Variants in SAA2 observed in about 807,000 individuals in gnomAD.
SAA2 encodes the protein serum amyloid A2, also known as serum amyloid A-2 protein.
Under a neutral mutation model 9.1 loss-of-function variants are expected in SAA2, and 5 were observed. The ratio of observed to expected loss-of-function variants is 0.55; its 90% CI spans 0.29 to 1.16. The LOEUF is 1.16. SAA2 is among the 50% of genes most tolerant of loss of function. The pLI is 0.09. For synonymous variants in SAA2, 49 were observed against 59.8 expected, an observed-to-expected ratio of 0.82 and a Z score of 0.83; for missense variants, 94 against 153.8, an observed-to-expected ratio of 0.61 and a Z score of 2.06.
At chr11:18,239,371 T>C (rs1857279314) in exon 4 of SAA2, 1 of 218,626 alleles carries the variant, frequency 4.6e-6, no homozygotes, top group African/African-American at 2.3e-5. Context: ...TACTTTTTTT[T>C]CAGAAGTAGT....
chr11:18,240,119 G>T, intron 3 of SAA2: 1 of 1,125,432 alleles, frequency 8.9e-7, no homozygotes, highest in South Asian at 1.5e-5. Flanking sequence ...GATGGGGAAT[G>T]TACACAAATT....
At chr11:18,246,948 G>A (rs1857574177) in intron 2 of SAA2, among the ~76,000 whole-genome samples, 1 of 152,114 alleles carries the variant, frequency 6.6e-6, no homozygotes, top group Admixed American at 6.5e-5. Context: ...GCCAAGGTGT[G>A]TCTGAGATTC....
chr11:18,239,837 T>C, exon 4 of SAA2: 4 of 1,402,528 alleles, frequency 2.9e-6, no homozygotes, highest in Non-Finnish European at 3.8e-6. Flanking sequence ...TTAGCACAGG[T>C]TCCAAAGGCC....
chr11:18,239,944 C>T, exon 4 of SAA2: 1 of 1,550,732 alleles, frequency 6.4e-7, no homozygotes, highest in Admixed American at 2.0e-5. Context: ...TCTTCCTTCA[C>T]TCTCTACAGT....
At chr11:18,240,762 A>C (rs1857323818), downstream of SAA2, among the ~76,000 whole-genome samples, 1 of 152,212 alleles carries the variant, frequency 6.6e-6, no homozygotes, top group South Asian at 2.1e-4. Context: ...CTGAAACAAA[A>C]AATTCTAAAA....
At chr11:18,242,920 G>A (rs1157991338), downstream of SAA2, 1 of 659,484 alleles carries the variant, frequency 1.5e-6, no homozygotes, top group African/African-American at 1.8e-5. Flanking sequence ...TTTTCTAACA[G>A]AGAGAAGCAT....
At chr11:18,245,777 G>A in intron 3 of SAA2, 133 bp downstream of exon 3, 4 of 1,448,860 alleles carry the variant, frequency 2.8e-6, no homozygotes, top group Non-Finnish European at 3.7e-6. Context: ...ACTGAGCACA[G>A]AGGCAGAGAG....
intron 2 of SAA2, among the ~76,000 whole-genome samples, chr11:18,246,347 A>C (rs1204468579): frequency 6.6e-6 from 1 of 152,170 alleles, no homozygotes; most frequent in Non-Finnish European, 1.5e-5. Context: ...GCAGACACAG[A>C]GTACTTCTGC....
downstream of SAA2, among the ~76,000 whole-genome samples, chr11:18,243,187 C>G (rs766414579): frequency 6.6e-6 from 1 of 151,918 alleles, no homozygotes; most frequent in Non-Finnish European, 1.5e-5. Context: ...TGGTCCTTTA[C>G]AGACGGATGA....
downstream of SAA2, chr11:18,245,238 A>C: frequency 6.8e-7 from 1 of 1,472,836 alleles, no homozygotes. Flanking sequence ...TGTTTCAACA[A>C]ATTCCACCTC....
At chr11:18,239,394 T>C in exon 4 of SAA2, 1 of 266,104 alleles carries the variant, frequency 3.8e-6, no homozygotes, top group East Asian at 6.4e-5. Context: ...GAGTTCATTT[T>C]CTATTATTTC....
At chr11:18,239,912 G>A (rs1241366701) in exon 4 of SAA2, 1 of 1,547,692 alleles carries the variant, frequency 6.5e-7, no homozygotes. Flanking sequence ...CCTGGGTCAT[G>A]TAGGAGTGAA....
At chr11:18,238,285 T>C (rs556539876), downstream of SAA2, among the ~76,000 whole-genome samples, 2 of 152,318 alleles carry the variant, frequency 1.3e-5, no homozygotes, top group South Asian at 2.1e-4. Flanking sequence ...AGAAACTTTT[T>C]ATATACAGGG....
exon 4 of SAA2, chr11:18,239,566 A>G (rs1397896743): frequency 7.5e-6 from 3 of 399,818 alleles, no homozygotes; most frequent in Non-Finnish European, 1.3e-5. Flanking sequence ...GAGATAGTCA[A>G]TGACTCCATG....
downstream of SAA2, chr11:18,242,540 G>T: frequency 2.1e-6 from 1 of 480,936 alleles, no homozygotes; most frequent in Admixed American, 3.8e-5. Flanking sequence ...GCCTCAAACC[G>T]ACACAAAAAT....
downstream of SAA2, chr11:18,239,188 C>A (rs1857274773): frequency 6.6e-6 from 1 of 152,242 alleles, no homozygotes; most frequent in African/African-American, 2.4e-5. Flanking sequence ...GTTGAATAGT[C>A]CGTCTTTTAC....
chr11:18,238,813 C>G (rs983066054), downstream of SAA2, among the ~76,000 whole-genome samples: 1 of 151,868 alleles, frequency 6.6e-6, no homozygotes. Context: ...CACTCCCCCC[C>G]TCCCCACTAC....
intron 3 of SAA2, 108 bp from the exon 4 acceptor site, chr11:18,245,623 G>A: frequency 1.4e-6 from 2 of 1,463,644 alleles, no homozygotes; most frequent in Non-Finnish European, 1.9e-6. Flanking sequence ...AGCCCAGAAA[G>A]GCCAAGGAAG....
intron 2 of SAA2, among the ~76,000 whole-genome samples, chr11:18,247,484 T>G (rs1351241656): frequency 7.9e-6 from 1 of 126,706 alleles, no homozygotes; most frequent in African/African-American, 3.5e-5. Context: ...GTTCTTTCTC[T>G]GAGTAACTGA....
Sources: allele counts gnomAD v4.1 joint callset (sites outside exome capture counted in the v4.1 genomes callset), GRCh38; gene constraint gnomAD v4.1.1; transcripts MANE v1.5; gene names NCBI Gene and HGNC (gene_info 2026-07-23, HGNC 2026-07-21).